NUDC: variants seen among roughly 807,000 people sequenced by gnomAD.
NUDC encodes nuclear distribution C, dynein complex regulator.
A neutral mutation model predicts 45.0 loss-of-function variants in NUDC; 14 were observed. The ratio of observed to expected loss-of-function variants is 0.31; its 90% CI spans 0.21 to 0.49. The LOEUF is 0.49. NUDC is among the 20% of genes least tolerant of loss of function. NUDC has a pLI of 0.99. For missense variants in NUDC, 323 were observed against 426.2 expected (o/e 0.76, Z 2.13); for synonymous variants, 153 against 156.7 (o/e 0.98, Z 0.17).
intron 2 of NUDC, among the ~76,000 whole-genome samples, chr1:26,936,144 TATATATATATATATATATATA>T (rs2082228851): frequency 4.0e-4 from 3 of 7,472 alleles, no homozygotes; most frequent in Non-Finnish European, 7.3e-4. Context: ...AATATATATA[TATATATATATATATATATATA>T]TTTTTTTTTT....
intron 2 of NUDC, among the ~76,000 whole-genome samples, chr1:26,909,356 G>T (rs1042488516): frequency 7.2e-5 from 11 of 152,098 alleles, no homozygotes; most frequent in Non-Finnish European, 1.3e-4. Flanking sequence ...GGGCTCAAGC[G>T]ATCCTATCAC....
At position 26,911,985 on chromosome 1, in the gene NUDC, C is replaced by T. The variant is rs772429597; in HGVS notation, c.93+750C>T. ...GTGAGGAGGACACGGGTCAGGCGGC[C>T]TTGGGCTGCTGGGCACCAGGGTTCC... On this transcript the variant is annotated intron_variant, in intron 3 of 6. Transcript: ENST00000435827. 1.9e-6 allele frequency: 3 copies of T among 1,614,238 alleles called. No individual in the cohort carries two copies. In the East Asian group the frequency reaches 6.7e-5, roughly 36 times the overall value.
At chr1:26,917,249 C>G (rs1012472555), upstream of NUDC, among the ~76,000 whole-genome samples, 4 of 149,458 alleles carry the variant, frequency 2.7e-5, no homozygotes, top group Admixed American at 1.3e-4. Context: ...CGGAGTGAGA[C>G]CTTGTCTCAA....
chr1:26,923,513 C>G (rs1266508108), intron 1 of NUDC, among the ~76,000 whole-genome samples: 3 of 152,138 alleles, frequency 2.0e-5, no homozygotes. Context: ...GTCTCTCACC[C>G]AGGCTGGAGT....
chr1:26,945,743 G>C (rs2082312939), intron 8 of NUDC, 57 bp downstream of exon 8: 2 of 1,226,028 alleles, frequency 1.6e-6, no homozygotes, highest in African/African-American at 1.5e-5. Context: ...CTTAGACTTC[G>C]GTGACAGCAG....
chr1:26,927,272 T>TGTGTGTGG (rs2082141319), intron 2 of NUDC, among the ~76,000 whole-genome samples: 1 of 146,780 alleles, frequency 6.8e-6, no homozygotes, highest in African/African-American at 2.5e-5. Flanking sequence ...ACCGTGTGTG[T>TGTGTGTGG]GTGTGTGTGT....
chr1:26,943,518 G>C (rs922932291), intron 6 of NUDC, among the ~76,000 whole-genome samples: 3 of 152,032 alleles, frequency 2.0e-5, no homozygotes, highest in Admixed American at 2.0e-4. Flanking sequence ...AAAAGAGCTC[G>C]TTGATTTACC....
At chr1:26,903,213 G>A (rs2081987941) in intron 2 of NUDC, among the ~76,000 whole-genome samples, 2 of 151,952 alleles carry the variant, frequency 1.3e-5, no homozygotes, top group African/African-American at 4.8e-5. Flanking sequence ...ACACAGAATT[G>A]TTTTATTTAT....
At chr1:26,938,050 C>A (rs1253949558) in intron 2 of NUDC, among the ~76,000 whole-genome samples, 2 of 152,208 alleles carry the variant, frequency 1.3e-5, no homozygotes, top group African/African-American at 4.8e-5. Flanking sequence ...CTGTCCTGGG[C>A]CTCTTCTGGG....
chr1:26,904,877 A>T (rs1465025363), intron 2 of NUDC, among the ~76,000 whole-genome samples: 6 of 149,438 alleles, frequency 4.0e-5, no homozygotes, highest in African/African-American at 1.2e-4. Context: ...TCTGAGACAG[A>T]GTCTTGCTCT....
chr1:26,926,797 C>T (rs1229165340), intron 2 of NUDC, among the ~76,000 whole-genome samples: 1 of 152,040 alleles, frequency 6.6e-6, no homozygotes, highest in Non-Finnish European at 1.5e-5. Context: ...ACAGGTTTCA[C>T]CATGTTGGTT....
intron 1 of NUDC, chr1:26,922,359 G>A (rs1037361348): frequency 4.2e-6 from 1 of 238,836 alleles, no homozygotes; most frequent in African/African-American, 2.3e-5. Flanking sequence ...GCCTTGAATG[G>A]GGGAATAGGA....
intron 3 of NUDC, chr1:26,913,595 T>C (rs2082041829): frequency 6.2e-7 from 1 of 1,613,960 alleles, no homozygotes; most frequent in Non-Finnish European, 8.5e-7. Flanking sequence ...TTGAGTATGC[T>C]GGGCACCGGG....
At chr1:26,945,499 T>A (rs2082310959) in intron 7 of NUDC, 26 bp downstream of exon 7, 2 of 1,613,044 alleles carry the variant, frequency 1.2e-6, no homozygotes, top group Non-Finnish European at 1.7e-6. Context: ...TTGGGGGAGC[T>A]TCAGCAGGAA....
intron 2 of NUDC, 80 bp from the exon 3 acceptor site, chr1:26,941,377 G>GGTAGA: frequency 6.8e-7 from 1 of 1,468,500 alleles, no homozygotes; most frequent in Non-Finnish European, 9.4e-7. Flanking sequence ...GCACCCAGCA[G>GGTAGA]GTAGAGAGTG....
intron 2 of NUDC, among the ~76,000 whole-genome samples, chr1:26,928,300 C>T (rs962724974): frequency 1.3e-5 from 2 of 151,924 alleles, no homozygotes; most frequent in African/African-American, 4.8e-5. Flanking sequence ...TATAAAAATA[C>T]CAATAATAAA....
intron 4 of NUDC, 35 bp downstream of exon 4, chr1:26,941,853 G>T: frequency 6.2e-7 from 1 of 1,604,460 alleles, no homozygotes; most frequent in Non-Finnish European, 8.5e-7. Context: ...GATGAGCCAG[G>T]AGCTTGGAAC....
At chr1:26,943,872 T>G (rs1557682076) in intron 6 of NUDC, among the ~76,000 whole-genome samples, 5 of 152,230 alleles carry the variant, frequency 3.3e-5, no homozygotes, top group African/African-American at 9.6e-5. Context: ...TGGCACTGGC[T>G]GCCTTCACTC....
intron 2 of NUDC, among the ~76,000 whole-genome samples, chr1:26,910,405 G>A (rs2082020575): frequency 6.6e-6 from 1 of 152,122 alleles, no homozygotes; most frequent in African/African-American, 2.4e-5. Flanking sequence ...TGAGAGGCTG[G>A]GTAAGGGACA....
Sources: gnomAD v4.1 joint callset for allele counts (sites outside exome capture counted in the v4.1 genomes callset) on GRCh38, gnomAD v4.1.1 for gene constraint, MANE v1.5 for transcripts, NCBI Gene and HGNC (gene_info 2026-07-23, HGNC 2026-07-21) for gene names.